The following ENDOV variants were observed in gnomAD, a reference collection of about 807,000 sequenced individuals.
ENDOV encodes the protein hEndoV.
Under a neutral mutation model 39.4 loss-of-function variants are expected in ENDOV, and 37 were observed. The observed-to-expected ratio is 0.94, with a 90% confidence interval of 0.72 to 1.23. ENDOV has a LOEUF of 1.23. Ranked by LOEUF, ENDOV falls within the 50% of genes most tolerant of loss-of-function variation. The pLI, the probability that ENDOV is intolerant of heterozygous loss-of-function variation, is 0.00. For synonymous variants in ENDOV, 186 were observed against 163.4 expected (o/e 1.14, Z -1.05); for missense variants, 441 against 375.7 (o/e 1.17, Z -1.44).
At chr17:80,421,778 G>A in intron 2 of ENDOV, 50 bp from the exon 3 acceptor site, 6 of 1,557,850 alleles carry the variant, frequency 3.9e-6, no homozygotes, top group Non-Finnish European at 5.2e-6. Context: ...TGGGGATGGA[G>A]CAGGTGGCCG....
At position 80,415,259 on chromosome 17, in the gene ENDOV, G is replaced by A; in HGVS notation, c.56+9G>A. The A allele has an allele frequency of 2.5e-6, 4 of 1,613,192 alleles. No individual in the cohort carries two copies. The highest frequency in any genetic ancestry group is 3.4e-6 in the Non-Finnish European group (4 of 1,179,622). On this transcript the variant is annotated intron_variant, in intron 1 of 9. Coordinates refer to ENST00000518137, the MANE Select transcript of ENDOV (RefSeq NM_173627.5). Reference sequence around the variant, plus strand: ...CTGTCACTGTGGAAACGGTAATGCTGTCAGGCGACGCGCAGGAGGCGGGGG... The same window carrying A: ...CTGTCACTGTGGAAACGGTAATGCTATCAGGCGACGCGCAGGAGGCGGGGG...
intron 4 of ENDOV, among the ~76,000 whole-genome samples, chr17:80,422,814 C>T (rs2082223628): frequency 6.6e-6 from 1 of 152,238 alleles, no homozygotes; most frequent in African/African-American, 2.4e-5. Context: ...ACTCTCCTGC[C>T]TCAGCCTCCT....
intron 8 of ENDOV, 90 bp from the exon 9 acceptor site, chr17:80,429,683 A>C: frequency 4.7e-6 from 6 of 1,289,190 alleles, no homozygotes; most frequent in Non-Finnish European, 5.4e-6. Flanking sequence ...GTCCAGGCCA[A>C]GCGCAGTTCC....
intron 4 of ENDOV, among the ~76,000 whole-genome samples, chr17:80,423,263 G>A (rs976669415): frequency 1.3e-5 from 2 of 152,238 alleles, no homozygotes; most frequent in Admixed American, 1.3e-4. Flanking sequence ...ATCCCAGCAC[G>A]CCAGCGAGGT....
rs1400228205 is a variant in ENDOV, at chr17:80,432,811, G to A, written c.838+2980G>A. Among the ~76,000 whole-genome samples, 5 of 152,078 alleles carry A rather than the reference G, an allele frequency of 3.3e-5. No homozygotes were observed. In the East Asian group the frequency reaches 9.7e-4, roughly 29 times the overall value. On this transcript the variant is annotated intron_variant, in intron 9 of 9. Coordinates refer to ENST00000518137, the MANE Select transcript of ENDOV (RefSeq NM_173627.5). ...GGCAGGGGAGCTGCTGACTGCAGGT[G>A]GCCCAGCAGTACCCAGGTTTCTGCT...
intron 9 of ENDOV, among the ~76,000 whole-genome samples, chr17:80,435,633 G>C (rs1403784550): frequency 2.0e-5 from 3 of 148,010 alleles, no homozygotes; most frequent in Non-Finnish European, 3.0e-5. Context: ...TTTTTTTTTT[G>C]AGACAGAGTC....
chr17:80,424,830 C>A (rs576221547), intron 5 of ENDOV, among the ~76,000 whole-genome samples: 60 of 152,262 alleles, frequency 3.9e-4, no homozygotes, highest in African/African-American at 1.4e-3. Context: ...TGGCACATGC[C>A]TGTAGTCCCA....
intron 2 of ENDOV, chr17:80,417,752 C>T (rs2081397345): frequency 6.6e-6 from 1 of 152,206 alleles, no homozygotes; most frequent in Non-Finnish European, 1.5e-5. Context: ...CCTGTCTTCC[C>T]TACTGGAATA....
Position 80,436,476 on chromosome 17 carries a change from T to A in ENDOV, c.*333T>A. On this transcript the variant is annotated 3_prime_UTR_variant, in exon 10 of 10. Coordinates refer to ENST00000518137, the MANE Select transcript of ENDOV (RefSeq NM_173627.5). ...AGTCCTAATTTGTTAAGTGTTTTTA[T>A]CCTTAAAGGGTACTGGATTTTGTCA... is the stretch of plus-strand genomic sequence containing the variant. 1.2e-6 allele frequency: 1 copy of A among 821,396 alleles called. No individual in the cohort carries two copies. The allele number at this position is 821,396 out of a possible 1,614,324, so 50.9% of individuals were successfully genotyped here.
chr17:80,425,783 C>T (rs1233538844), intron 7 of ENDOV, among the ~76,000 whole-genome samples, 163 bp downstream of exon 7: 1 of 152,188 alleles, frequency 6.6e-6, no homozygotes, highest in Non-Finnish European at 1.5e-5. Flanking sequence ...GGAGAGCTTG[C>T]TGGGCCCTGC....
At chr17:80,416,557 A>C in intron 2 of ENDOV, among the ~76,000 whole-genome samples, 1 of 150,598 alleles carries the variant, frequency 6.6e-6, no homozygotes, top group African/African-American at 2.5e-5. Flanking sequence ...TGCCACCATC[A>C]CTCCTGTGGG....
intron 8 of ENDOV, among the ~76,000 whole-genome samples, chr17:80,429,246 C>T (rs1275681620): frequency 6.6e-6 from 1 of 152,194 alleles, no homozygotes; most frequent in Non-Finnish European, 1.5e-5. Context: ...AGTACTGTGA[C>T]CCCACTTTAC....
At chr17:80,427,414 G>A in intron 7 of ENDOV, 2 of 985,408 alleles carry the variant, frequency 2.0e-6, no homozygotes, top group Non-Finnish European at 2.4e-6. Flanking sequence ...GCAAGGGAGG[G>A]GACACCTGGC....
intron 2 of ENDOV, chr17:80,417,226 C>T (rs1302027848): frequency 6.6e-6 from 1 of 152,326 alleles, no homozygotes; most frequent in Non-Finnish European, 1.5e-5. Flanking sequence ...CCTCCTACAG[C>T]CCACTGTGAG....
At position 80,423,605 on chromosome 17, in the gene ENDOV, G is replaced by A. The variant is rs1404941803; in HGVS notation, c.489G>A (p.Leu163=). ...AGAAACTTCTGCAGGTGGATGGGCT[G>A]GAGAACAACGCCCTGCACAAGGAGA... The part of the protein sequence containing the change: ...VAKKLLQVDG[L]ENNALHKEKI... The change falls in exon 5 of 10, where the codon CTG becomes CTA. Residue 163 remains leucine, a synonymous_variant. Transcript: ENST00000518137. The A allele has an allele frequency of 1.3e-6, 2 of 1,554,254 alleles. No homozygotes were observed. The highest frequency in any genetic ancestry group is 2.1e-4 in the Middle Eastern group (1 of 4,856).
intron 2 of ENDOV, among the ~76,000 whole-genome samples, chr17:80,421,155 C>T (rs919133368): frequency 2.0e-5 from 3 of 150,306 alleles, no homozygotes; most frequent in African/African-American, 7.3e-5. Context: ...GGACCTGATC[C>T]CAGGGAATCC....
At chr17:80,419,211 A>G (rs2081620126) in intron 2 of ENDOV, among the ~76,000 whole-genome samples, 1 of 148,162 alleles carries the variant, frequency 6.7e-6, no homozygotes, top group South Asian at 2.1e-4. Flanking sequence ...GCCCTACCCC[A>G]CTTACTGGGG....
intron 6 of ENDOV, 80 bp from the exon 7 acceptor site, chr17:80,425,410 CAG>C (rs777233002): frequency 2.0e-4 from 297 of 1,509,854 alleles, no homozygotes; most frequent in Middle Eastern, 9.5e-4. Context: ...GACATTTTGT[CAG>C]AGCTCCAGCT....
chr17:80,422,007 C>G (rs780985400), intron 3 of ENDOV, 45 bp downstream of exon 3: 31 of 1,597,444 alleles, frequency 1.9e-5, no homozygotes, highest in Non-Finnish European at 2.5e-5. Flanking sequence ...CCTCCTTCCC[C>G]CTGGGGGAGG....
Sources: gnomAD v4.1 joint callset for allele counts (sites outside exome capture counted in the v4.1 genomes callset) on GRCh38, gnomAD v4.1.1 for gene constraint, MANE v1.5 for transcripts, NCBI Gene and HGNC (gene_info 2026-07-23, HGNC 2026-07-21) for gene names.